FMR1NB: variants seen among roughly 807,000 people sequenced by gnomAD.
FMR1NB encodes FMR1 neighbor protein.
A neutral mutation model predicts 16.8 loss-of-function variants in FMR1NB; 10 were observed. That is an observed-to-expected ratio of 0.60 (90% CI 0.37 to 1.01). The LOEUF (loss-of-function observed/expected upper bound fraction) is 1.01. Ranked by LOEUF, FMR1NB falls within the 50% of genes least tolerant of loss-of-function variation. The pLI is 0.01. For missense variants in FMR1NB, 205 were observed against 204.8 expected (o/e 1.00, Z 0.00); for synonymous variants, 83 against 79.1 (o/e 1.05, Z -0.26).
At chrX:147,984,557 G>A (rs1409318664) in intron 1 of FMR1NB, among the ~76,000 whole-genome samples, 1 of 111,596 alleles carries the variant, frequency 9.0e-6, no homozygotes, top group Non-Finnish European at 1.9e-5. Context: ...TTACCTGTTG[G>A]TCTCGTACCC....
At chrX:148,014,461 C>G (rs2044639988) in intron 4 of FMR1NB, among the ~76,000 whole-genome samples, 1 of 111,671 alleles carries the variant, frequency 9.0e-6, no homozygotes, top group African/African-American at 3.3e-5. Flanking sequence ...TATCTGTGTT[C>G]CAGGCCTTGT....
intron 1 of FMR1NB, among the ~76,000 whole-genome samples, chrX:147,999,077 G>C (rs945077302): frequency 8.9e-6 from 1 of 111,841 alleles, no homozygotes; most frequent in African/African-American, 3.2e-5. Flanking sequence ...ATAAAAACAT[G>C]ATGGAGAGAA....
intron 1 of FMR1NB, among the ~76,000 whole-genome samples, chrX:147,994,379 T>A (rs1174345576): frequency 8.9e-6 from 1 of 112,717 alleles, no homozygotes; most frequent in African/African-American, 3.2e-5. Flanking sequence ...GTTTTATCAA[T>A]TATTTGAAAT....
intron 1 of FMR1NB, among the ~76,000 whole-genome samples, chrX:147,984,139 T>C (rs782211001): frequency 8.9e-6 from 1 of 112,294 alleles, no homozygotes; most frequent in South Asian, 3.7e-4. Flanking sequence ...AGTTTAGAAA[T>C]TGGAATGTGT....
At chrX:147,996,403 CAG>C (rs2044541650) in intron 1 of FMR1NB, among the ~76,000 whole-genome samples, 1 of 111,244 alleles carries the variant, frequency 9.0e-6, no homozygotes, top group African/African-American at 3.3e-5. Flanking sequence ...TAGTATGTGG[CAG>C]AGTCAGGATA....
intron 4 of FMR1NB, among the ~76,000 whole-genome samples, chrX:148,015,795 G>A (rs137946950): frequency 0.043 from 4,747 of 111,611 alleles, 97 homozygotes; most frequent in Middle Eastern, 0.079. Flanking sequence ...ATTCTGTAGG[G>A]TTTTCTCTAA....
intron 5 of FMR1NB, among the ~76,000 whole-genome samples, 179 bp from the exon 6 acceptor site, chrX:148,026,323 G>A (rs1021635549): frequency 9.0e-6 from 1 of 111,578 alleles, no homozygotes; most frequent in Non-Finnish European, 1.9e-5. Context: ...TGTTTTATAT[G>A]TATGCCTCAC....
chrX:148,007,694 A>T (rs2044603936), intron 3 of FMR1NB, among the ~76,000 whole-genome samples: 1 of 112,119 alleles, frequency 8.9e-6, no homozygotes, highest in Admixed American at 9.5e-5. Context: ...GATATTGGGG[A>T]TGTATTTCCA....
intron 4 of FMR1NB, among the ~76,000 whole-genome samples, chrX:148,015,497 A>T (rs1331337557): frequency 2.7e-5 from 3 of 111,696 alleles, no homozygotes; most frequent in African/African-American, 9.8e-5. Flanking sequence ...GTTGTATCCC[A>T]GGTTTTGGTA....
At chrX:147,987,475 CTTA>C (rs2044482737) in intron 1 of FMR1NB, among the ~76,000 whole-genome samples, 1 of 111,334 alleles carries the variant, frequency 9.0e-6, no homozygotes, top group African/African-American at 3.3e-5. Context: ...ATAAATAGCT[CTTA>C]TTATTTTGTG....
chrX:147,997,774 C>A (rs965778207), intron 1 of FMR1NB, among the ~76,000 whole-genome samples: 7 of 110,568 alleles, frequency 6.3e-5, no homozygotes, highest in East Asian at 5.7e-4. Flanking sequence ...GAAAAAAAAA[C>A]CATCAAAAAG....
intron 4 of FMR1NB, among the ~76,000 whole-genome samples, chrX:148,019,740 C>G (rs2044669426): frequency 8.9e-6 from 1 of 111,956 alleles, no homozygotes; most frequent in African/African-American, 3.3e-5. Context: ...TCTTCCTTTC[C>G]TTTTCCCCAA....
At chrX:148,000,657 TCCCTGA>T (rs1351361598) in intron 1 of FMR1NB, among the ~76,000 whole-genome samples, 1 of 111,949 alleles carries the variant, frequency 8.9e-6, no homozygotes, top group Non-Finnish European at 1.9e-5. Context: ...CCCAGTTCTA[TCCCTGA>T]TTCAAAATGA....
rs782247761 is a variant in FMR1NB, at chrX:147,981,543, C to T, written c.141C>T (p.Ala47=). Residue 47 remains alanine, a synonymous_variant, in exon 1 of 6, where the codon GCC becomes GCT. Transcript: ENST00000370467. ...NPESSHPGYE[A]AMADRPQPGW... is the part of the protein sequence containing the mutation. ...AGAGCAGCCATCCTGGATACGAGGC[C>T]GCCATGGCTGACAGGCCTCAGCCAG... 16 of 1,209,914 alleles carry T rather than the reference C, an allele frequency of 1.3e-5. No homozygotes were observed. The highest frequency in any genetic ancestry group is 1.1e-5 in the Non-Finnish European group (10 of 895,116).
intron 4 of FMR1NB, among the ~76,000 whole-genome samples, chrX:148,021,389 T>C (rs1318750759): frequency 9.9e-6 from 1 of 100,655 alleles, no homozygotes; most frequent in Non-Finnish European, 2.0e-5. Context: ...TTGGTTCTTA[T>C]GAAGGGGCTT....
intron 1 of FMR1NB, among the ~76,000 whole-genome samples, chrX:147,993,371 G>A (rs1419086494): frequency 9.2e-6 from 1 of 108,478 alleles, no homozygotes; most frequent in African/African-American, 3.3e-5. Flanking sequence ...GTCCAGCTTC[G>A]GTTCCGCATG....
chrX:148,008,768 A>ACT, intron 4 of FMR1NB, 57 bp downstream of exon 4: 3 of 1,003,362 alleles, frequency 3.0e-6, no homozygotes, highest in African/African-American at 1.9e-5. Context: ...GTATTTGTGT[A>ACT]TAGACATATT....
chrX:148,003,104 C>G, intron 1 of FMR1NB, 97 bp from the exon 2 acceptor site: 1 of 873,527 alleles, frequency 1.1e-6, no homozygotes, highest in East Asian at 3.2e-5. Context: ...ATTTGACATT[C>G]TATAATTAAT....
intron 1 of FMR1NB, among the ~76,000 whole-genome samples, chrX:147,992,150 T>G (rs782345038): frequency 0.025 from 2,268 of 92,019 alleles, no homozygotes; most frequent in African/African-American, 0.06. Context: ...TGTCATCCCG[T>G]CCCGTTCTCA....
Sources: gnomAD v4.1 joint callset for allele counts (sites outside exome capture counted in the v4.1 genomes callset) on GRCh38, gnomAD v4.1.1 for gene constraint, MANE v1.5 for transcripts, NCBI Gene and HGNC (gene_info 2026-07-23, HGNC 2026-07-21) for gene names.